LIMCH1: variants seen among roughly 807,000 people sequenced by gnomAD.
The protein encoded by LIMCH1 is LIM and calponin homology domains-containing protein 1.
LIMCH1 carries 113 observed loss-of-function variants against 176.5 expected under a neutral mutation model. The ratio of observed to expected loss-of-function variants is 0.64; its 90% confidence interval spans 0.55 to 0.75. The LOEUF is 0.75. LIMCH1 is among the 30% of genes least tolerant of loss of function. LIMCH1 has a pLI of 0.00. For missense variants in LIMCH1, 1,674 were observed against 1,814.9 expected (o/e 0.92, Z 1.41); for synonymous variants, 619 against 645.9 (o/e 0.96, Z 0.63).
At chr4:41,384,721 A>G (rs1271524200) in intron 1 of LIMCH1, among the ~76,000 whole-genome samples, 9 of 152,298 alleles carry the variant, frequency 5.9e-5, no homozygotes, top group Non-Finnish European at 1.2e-4. Flanking sequence ...AAGGGAGAAG[A>G]TGCTAAGTGC....
chr4:41,459,423 C>T (rs190296211), intron 1 of LIMCH1, among the ~76,000 whole-genome samples: 22 of 152,184 alleles, frequency 1.4e-4, no homozygotes, highest in Admixed American at 5.9e-4. Context: ...ACCTCAGCCT[C>T]CCAAGTAGCT....
intron 1 of LIMCH1, among the ~76,000 whole-genome samples, chr4:41,485,260 A>T (rs1459144492): frequency 2.0e-5 from 3 of 152,228 alleles, no homozygotes; most frequent in Non-Finnish European, 4.4e-5. Flanking sequence ...GAGCTTCCTC[A>T]ATAATTACTT....
intron 1 of LIMCH1, among the ~76,000 whole-genome samples, chr4:41,563,859 T>C (rs1487340163): frequency 6.6e-6 from 1 of 152,192 alleles, no homozygotes; most frequent in Non-Finnish European, 1.5e-5. Context: ...TACTTCTTCA[T>C]TCTTGGACCA....
At chr4:41,622,793 C>A (rs1305351311) in intron 7 of LIMCH1, among the ~76,000 whole-genome samples, 2 of 152,074 alleles carry the variant, frequency 1.3e-5, no homozygotes, top group Admixed American at 1.3e-4. Flanking sequence ...TAATTTTAAC[C>A]TATTTCATCC....
intron 3 of LIMCH1, among the ~76,000 whole-genome samples, chr4:41,525,897 T>C (rs902178293): frequency 3.3e-5 from 5 of 152,078 alleles, no homozygotes; most frequent in African/African-American, 9.7e-5. Context: ...TTTAATGTTA[T>C]AGAAGCAAAA....
At chr4:41,630,689 T>C (rs2093271582) in intron 9 of LIMCH1, among the ~76,000 whole-genome samples, 1 of 152,198 alleles carries the variant, frequency 6.6e-6, no homozygotes, top group African/African-American at 2.4e-5. Flanking sequence ...TCATATACAG[T>C]CTTCCCTCAG....
chr4:41,568,307 A>C (rs1584242247), intron 1 of LIMCH1, among the ~76,000 whole-genome samples: 1 of 152,312 alleles, frequency 6.6e-6, no homozygotes, highest in East Asian at 1.9e-4. Flanking sequence ...TTTACAATAA[A>C]TTGTGTAATC....
At chr4:41,546,481 T>A (rs1266065340) in intron 1 of LIMCH1, among the ~76,000 whole-genome samples, 1 of 152,056 alleles carries the variant, frequency 6.6e-6, no homozygotes, top group Non-Finnish European at 1.5e-5. Context: ...GGGCAGCTGT[T>A]TATGTTGTTC....
chr4:41,612,833 A>G (rs1414838157), intron 4 of LIMCH1: 14 of 1,269,802 alleles, frequency 1.1e-5, no homozygotes, highest in Middle Eastern at 2.1e-4. Context: ...AGCGTTTTGC[A>G]TATTTTTCAT....
chr4:41,385,809 G>A (rs1178817165), intron 1 of LIMCH1: 1 of 152,162 alleles, frequency 6.6e-6, no homozygotes, highest in Admixed American at 6.5e-5. Flanking sequence ...CTATAAAAAG[G>A]TGGCGTATAT....
chr4:41,375,717 A>T (rs1287220173), intron 1 of LIMCH1, among the ~76,000 whole-genome samples: 1 of 152,230 alleles, frequency 6.6e-6, no homozygotes, highest in Non-Finnish European at 1.5e-5. Context: ...CTAAAAGTGG[A>T]TACAGCGGCT....
At chr4:41,525,947 G>A (rs2076607703) in intron 3 of LIMCH1, among the ~76,000 whole-genome samples, 1 of 152,070 alleles carries the variant, frequency 6.6e-6, no homozygotes, top group Admixed American at 6.5e-5. Flanking sequence ...GGAAAATCCA[G>A]ATGAGGAGAA....
intron 1 of LIMCH1, among the ~76,000 whole-genome samples, chr4:41,488,522 T>C (rs897489997): frequency 3.3e-5 from 5 of 152,230 alleles, no homozygotes; most frequent in Non-Finnish European, 7.3e-5. Flanking sequence ...ACTAACAAAA[T>C]AATTGTTTGT....
In LIMCH1 at chr4:41,519,178, G is replaced by A. The variant is rs1450484830; in HGVS notation, c.168-5231G>A. On this transcript the variant is annotated intron_variant, in intron 2 of 26. Coordinates refer to the LIMCH1 transcript ENST00000313860. Reference sequence around the variant, plus strand: ...GCCGTGAATTAGGATGTATGACAGCGAGACACGTATGTGCACCATTCTGGT... The same window carrying A: ...GCCGTGAATTAGGATGTATGACAGCAAGACACGTATGTGCACCATTCTGGT... Among the ~76,000 whole-genome samples the A allele has an allele frequency of 2.0e-5, 3 of 152,170 alleles. No individual in the cohort carries two copies. In the East Asian group the frequency reaches 5.8e-4, roughly 29 times the overall value.
intron 19 of LIMCH1, 137 bp downstream of exon 19, chr4:41,661,647 A>G: frequency 4.4e-6 from 3 of 689,092 alleles, no homozygotes; most frequent in South Asian, 3.4e-5. Flanking sequence ...TTGTGCTGCC[A>G]CCTAGAGGCT....
intron 13 of LIMCH1, among the ~76,000 whole-genome samples, chr4:41,636,726 A>C (rs1217568762): frequency 6.6e-6 from 1 of 152,202 alleles, no homozygotes; most frequent in Non-Finnish European, 1.5e-5. Flanking sequence ...GATGTCCATG[A>C]AATACTGTTA....
chr4:41,491,752 C>T (rs1473848623), intron 1 of LIMCH1, among the ~76,000 whole-genome samples: 4 of 147,850 alleles, frequency 2.7e-5, no homozygotes, highest in African/African-American at 1.0e-4. Flanking sequence ...AGAGGCGCTC[C>T]TCACTTCCCA....
At chr4:41,550,355 T>C (rs547193976) in intron 1 of LIMCH1, among the ~76,000 whole-genome samples, 46 of 152,006 alleles carry the variant, frequency 3.0e-4, no homozygotes, top group Non-Finnish European at 6.0e-4. Flanking sequence ...TTGATACCTT[T>C]AGCTCATTTT....
chr4:41,655,715 G>C (rs1183824904), intron 18 of LIMCH1, among the ~76,000 whole-genome samples: 1 of 151,510 alleles, frequency 6.6e-6, no homozygotes, highest in Non-Finnish European at 1.5e-5. Context: ...TAGAGAATGG[G>C]GTCTCACTAT....
Sources: allele counts gnomAD v4.1 joint callset (sites outside exome capture counted in the v4.1 genomes callset), GRCh38; gene constraint gnomAD v4.1.1; transcripts MANE v1.5; gene names NCBI Gene and HGNC (gene_info 2026-07-23, HGNC 2026-07-21).